The following PDCL3 variants were observed in gnomAD, a reference collection of about 807,000 sequenced individuals.
PDCL3 encodes the protein phosducin-like protein 3.
In PDCL3, 22 loss-of-function variants were observed where a neutral mutation model predicts 26.5. That is an observed-to-expected ratio of 0.83 (90% CI 0.59 to 1.19). PDCL3 has a LOEUF of 1.19. Ranked by LOEUF, PDCL3 falls within the 50% of genes most tolerant of loss-of-function variation. PDCL3 has a pLI of 0.00. For synonymous variants in PDCL3, 81 were observed against 104.9 expected, an observed-to-expected ratio of 0.77 and a Z score of 1.39; for missense variants, 246 against 294.1, an observed-to-expected ratio of 0.84 and a Z score of 1.20.
In PDCL3 at chr2:100,576,515, A is replaced by C. The variant is rs1260757889; in HGVS notation, c.*19A>C. 3 of 1,540,212 alleles carry C rather than the reference A, an allele frequency of 1.9e-6. No homozygotes were observed. In the Admixed American group the frequency reaches 5.9e-5, roughly 30 times the overall value. ...TGACTGAGGCTACAGCTTCTATCACATGCCGAACTTTCTTGTGACAAATTG... is the reference window on the plus strand; with the variant it reads ...TGACTGAGGCTACAGCTTCTATCACCTGCCGAACTTTCTTGTGACAAATTG... On this transcript the variant is annotated 3_prime_UTR_variant, in exon 6 of 6. Coordinates refer to ENST00000264254, the MANE Select transcript of PDCL3 (RefSeq NM_024065.5).
chr2:100,565,340 TCTCGG>T (rs1427682656), intron 1 of PDCL3, among the ~76,000 whole-genome samples: 1 of 144,808 alleles, frequency 6.9e-6, no homozygotes, highest in Non-Finnish European at 1.5e-5. Flanking sequence ...AGCGGCTCGA[TCTCGG>T]CTCACTGCAA....
intron 1 of PDCL3, among the ~76,000 whole-genome samples, chr2:100,564,712 C>G (rs1675025981): frequency 2.6e-5 from 4 of 152,204 alleles, no homozygotes; most frequent in Admixed American, 2.0e-4. Flanking sequence ...AGCCTGAGCT[C>G]CATTAGCAGT....
chr2:100,573,505 C>G (rs533401516), intron 5 of PDCL3, among the ~76,000 whole-genome samples: 1 of 151,876 alleles, frequency 6.6e-6, no homozygotes, highest in South Asian at 2.1e-4. Context: ...GAAACCCTGT[C>G]TCTACTGAAA....
intron 1 of PDCL3, 142 bp downstream of exon 1, chr2:100,563,215 C>G (rs1406554706): frequency 2.8e-6 from 3 of 1,057,450 alleles, no homozygotes; most frequent in Non-Finnish European, 3.9e-6. Context: ...AGGCCCTGCG[C>G]AGGCGCAGTG....
chr2:100,563,170 C>T (rs995252184), intron 1 of PDCL3, 97 bp downstream of exon 1: 11 of 1,460,276 alleles, frequency 7.5e-6, no homozygotes, highest in African/African-American at 1.5e-5. Context: ...GGGGAAGCTC[C>T]GGCGCCGCAG....
At chr2:100,574,833 G>C (rs184270627) in intron 5 of PDCL3, among the ~76,000 whole-genome samples, 2 of 152,198 alleles carry the variant, frequency 1.3e-5, no homozygotes, top group Non-Finnish European at 2.9e-5. Flanking sequence ...TGAGCACGTT[G>C]GCTGAAGCCT....
chr2:100,563,206 G>A, intron 1 of PDCL3, 133 bp downstream of exon 1: 2 of 1,177,180 alleles, frequency 1.7e-6, no homozygotes, highest in South Asian at 1.7e-5. Context: ...GGCGCGTCCA[G>A]GCCCTGCGCA....
intron 1 of PDCL3, among the ~76,000 whole-genome samples, chr2:100,564,799 G>C (rs954686114): frequency 2.6e-5 from 4 of 152,192 alleles, no homozygotes; most frequent in African/African-American, 9.7e-5. Context: ...ATCAGTCTTT[G>C]TGACAATGAT....
chr2:100,567,890 T>G (rs1420945612), intron 2 of PDCL3, among the ~76,000 whole-genome samples: 1 of 152,008 alleles, frequency 6.6e-6, no homozygotes, highest in South Asian at 2.1e-4. Flanking sequence ...TGGCGCAATC[T>G]TGGCTCACTG....
chr2:100,568,941 T>C lies in PDCL3; in HGVS notation c.144T>C (p.Tyr48=), dbSNP rs755571480. The part of the protein sequence containing the change: ...RILQQSVVKT[Y]EDMTLEELED... ...TGTAACCAAATTCAGTGAAAACATA[T>C]GAAGATATGACTTTGGAAGAGCTGG... The change falls in exon 3 of 6, where the codon TAT becomes TAC. Residue 48 remains tyrosine (Y), a synonymous_variant. Coordinates refer to ENST00000264254, the MANE Select transcript of PDCL3 (RefSeq NM_024065.5). The C allele has an allele frequency of 3.7e-6, 6 of 1,613,612 alleles. No homozygotes were observed. The highest frequency in any genetic ancestry group is 1.1e-5 in the South Asian group (1 of 91,054).
At chr2:100,563,795 A>G (rs1176626801) in intron 1 of PDCL3, among the ~76,000 whole-genome samples, 2 of 151,976 alleles carry the variant, frequency 1.3e-5, no homozygotes, top group Non-Finnish European at 2.9e-5. Context: ...AAGATCCCGC[A>G]GTGGTCAGAA....
intron 5 of PDCL3, among the ~76,000 whole-genome samples, chr2:100,575,217 G>A (rs1372529962): frequency 2.0e-5 from 3 of 152,146 alleles, no homozygotes; most frequent in Non-Finnish European, 2.9e-5. Context: ...CTCACTGCAA[G>A]CTCCGCCTCC....
intron 5 of PDCL3, among the ~76,000 whole-genome samples, chr2:100,575,388 G>C (rs900910317): frequency 1.3e-5 from 2 of 152,186 alleles, no homozygotes; most frequent in African/African-American, 4.8e-5. Context: ...GCCCACCTTG[G>C]CCTCCCAAAG....
Position 100,566,628 on chromosome 2 carries a change from G to A in PDCL3, c.132G>A (p.Val44=), listed in dbSNP as rs1675067290. The A allele has an allele frequency of 6.2e-7, 1 of 1,613,750 alleles. No homozygotes were observed. The highest frequency in any genetic ancestry group is 1.7e-5 in the Admixed American group (1 of 59,978). The change falls in exon 2 of 6, where the codon GTG becomes GTA. Residue 44 remains valine, a splice_region_variant and synonymous_variant. Transcript: ENST00000264254. ...EEEQRILQQS[V]VKTYEDMTLE... ...AGCAGCGCATCCTCCAGCAGTCAGT[G>A]GGTGAGTTCACTCGCTTTCCTCTGC...
At chr2:100,573,486 C>A (rs1228017657) in intron 5 of PDCL3, among the ~76,000 whole-genome samples, 1 of 151,686 alleles carries the variant, frequency 6.6e-6, no homozygotes, top group Admixed American at 6.6e-5. Context: ...CCAGCCTGGC[C>A]AACATAGTGA....
Position 100,576,727 on chromosome 2 carries a change from T to C in PDCL3, c.*231T>C, listed in dbSNP as rs1489941422. 1 of 387,488 alleles carries C rather than the reference T, an allele frequency of 2.6e-6. No individual in the cohort carries two copies. Among genetic ancestry groups the C allele is most frequent in the African/African-American group, 2.1e-5 (1 of 48,010 alleles). 24.0% of individuals were successfully genotyped at this position (387,488 alleles called of 1,614,324 possible). ...AAAAAAAATTAAAACCAGCCATTTG[T>C]ATGGCAAATGTCTGTTTTCCTCATT... On this transcript the variant is annotated 3_prime_UTR_variant, in exon 6 of 6. Transcript: ENST00000264254.
At chr2:100,569,126 C>A in intron 3 of PDCL3, 105 bp downstream of exon 3, 1 of 963,820 alleles carries the variant, frequency 1.0e-6, no homozygotes. Context: ...CATGGTGACT[C>A]ATACCTGTAG....
intron 5 of PDCL3, among the ~76,000 whole-genome samples, chr2:100,575,264 T>G (rs943948294): frequency 2.0e-5 from 3 of 152,064 alleles, no homozygotes; most frequent in Non-Finnish European, 4.4e-5. Context: ...GCCTCCCGAG[T>G]AGCTGGGACT....
In PDCL3 at chr2:100,572,360, T is replaced by C. The variant is rs533254030; in HGVS notation, c.577+562T>C. Among the ~76,000 whole-genome samples, 3 of 152,014 alleles carry C rather than the reference T, an allele frequency of 2.0e-5. No individual in the cohort carries two copies. In the South Asian group the frequency reaches 6.2e-4, roughly 32 times the overall value. On this transcript the variant is annotated intron_variant, in intron 5 of 5. Coordinates refer to ENST00000264254, the MANE Select transcript of PDCL3 (RefSeq NM_024065.5). The stretch of plus-strand genomic sequence containing the variant: ...CCAAGTATCTGGGATTACTGGCACC[T>C]ACCACCACGCCCAGCTAATTTTTGT...
Sources: gnomAD v4.1 joint callset for allele counts (sites outside exome capture counted in the v4.1 genomes callset) on GRCh38, gnomAD v4.1.1 for gene constraint, MANE v1.5 for transcripts, NCBI Gene and HGNC (gene_info 2026-07-23, HGNC 2026-07-21) for gene names.